RGS9: variants seen among roughly 807,000 people sequenced by gnomAD.
RGS9 encodes regulator of G protein signaling 9, also known as regulator of G-protein signalling 9.
In RGS9, 78 loss-of-function variants were observed where a neutral mutation model predicts 102.0. That is an observed-to-expected ratio of 0.76 (90% CI 0.64 to 0.92). The LOEUF (loss-of-function observed/expected upper bound fraction) is 0.92. Ranked by LOEUF, RGS9 falls within the 40% of genes least tolerant of loss-of-function variation. The probability of loss-of-function intolerance (pLI) is 0.00; values close to 1 mark genes in which losing one functional copy is unlikely to be tolerated. For missense variants in RGS9, 833 were observed against 866.1 expected, an observed-to-expected ratio of 0.96 and a Z score of 0.48; for synonymous variants, 353 against 318.6, an observed-to-expected ratio of 1.11 and a Z score of -1.15.
At chr17:65,172,933 T>C (rs1284698533) in intron 8 of RGS9, among the ~76,000 whole-genome samples, 2 of 151,960 alleles carry the variant, frequency 1.3e-5, no homozygotes, top group Non-Finnish European at 2.9e-5. Context: ...TTTCTTTCTT[T>C]TTTTTTTGAG....
intron 12 of RGS9, among the ~76,000 whole-genome samples, chr17:65,196,678 A>AG (rs967211253): frequency 1.7e-3 from 253 of 149,916 alleles, no homozygotes; most frequent in African/African-American, 6.1e-3. Flanking sequence ...GTGCCATGGT[A>AG]GGGGGGCAGC....
At chr17:65,220,433 T>C (rs1234393041) in intron 17 of RGS9, among the ~76,000 whole-genome samples, 1 of 152,222 alleles carries the variant, frequency 6.6e-6, no homozygotes, top group African/African-American at 2.4e-5. Flanking sequence ...TGGAGTTTCA[T>C]GGCTGAAGTA....
chr17:65,139,178 A>C (rs1443812265), intron 1 of RGS9, among the ~76,000 whole-genome samples: 29 of 22,582 alleles, frequency 1.3e-3, no homozygotes, highest in Middle Eastern at 0.029. Context: ...CCTCTACCCC[A>C]TCCTCCTCCT....
At chr17:65,165,366 A>G (rs906516988) in intron 7 of RGS9, among the ~76,000 whole-genome samples, 4 of 152,160 alleles carry the variant, frequency 2.6e-5, no homozygotes, top group Admixed American at 2.0e-4. Context: ...GGCTTGCTCC[A>G]TTTGAGATGG....
At chr17:65,190,334 A>G (rs1912320612) in intron 11 of RGS9, 98 bp downstream of exon 11, 1 of 949,246 alleles carries the variant, frequency 1.1e-6, no homozygotes, top group African/African-American at 1.6e-5. Flanking sequence ...GACAGACTGA[A>G]GATTCAGCAG....
At chr17:65,224,897 C>G in intron 17 of RGS9, 105 bp from the exon 18 acceptor site, 1 of 1,501,036 alleles carries the variant, frequency 6.7e-7, no homozygotes, top group South Asian at 1.1e-5. Flanking sequence ...CAGGCCCGCA[C>G]TCTTGTCGCT....
chr17:65,222,952 C>T (rs558075538), intron 17 of RGS9, among the ~76,000 whole-genome samples: 5 of 152,222 alleles, frequency 3.3e-5, no homozygotes, highest in Admixed American at 6.5e-5. Flanking sequence ...ATGACTGCGC[C>T]GACTCCGAGT....
chr17:65,147,587 C>CTTTTTTTT lies in RGS9; in HGVS notation c.58-5821_58-5814dup, dbSNP rs36062784. Among the ~76,000 whole-genome samples, 172 of 103,668 alleles carry CTTTTTTTT rather than the reference C, an allele frequency of 1.7e-3. 9 individuals are homozygous for CTTTTTTTT. The highest frequency in any genetic ancestry group is 6.9e-3 in the African/African-American group (146 of 21,178). The allele number at this position is 103,668 out of a possible 152,430, so 68.0% of individuals were successfully genotyped here. A position where few individuals can be genotyped will look rare whatever the true frequency, so the allele number is the denominator to read the frequency against. ...GATCATTCTCTCTCTCTTTTAAAAA[C>CTTTTTTTT]TTTTTTTTTTTTTTTTTTTTTGAGA... On this transcript the variant is annotated intron_variant, in intron 1 of 18. Coordinates refer to ENST00000262406, the MANE Select transcript of RGS9 (RefSeq NM_003835.4).
At chr17:65,177,952 G>GGGTT (rs1911711400) in intron 9 of RGS9, 149 bp downstream of exon 9, 2 of 728,640 alleles carry the variant, frequency 2.7e-6, no homozygotes, top group Non-Finnish European at 5.0e-6. Context: ...TGTGGACTCA[G>GGGTT]GGTTAGGGGA....
chr17:65,194,166 G>A (rs1474214252), intron 12 of RGS9, among the ~76,000 whole-genome samples: 2 of 152,196 alleles, frequency 1.3e-5, no homozygotes, highest in Non-Finnish European at 2.9e-5. Flanking sequence ...GGTCTTTTGC[G>A]ACGAGCTTTT....
intron 1 of RGS9, among the ~76,000 whole-genome samples, chr17:65,148,499 T>A (rs759643170): frequency 1.3e-5 from 2 of 152,332 alleles, no homozygotes; most frequent in South Asian, 2.1e-4. Context: ...CATACTGTTT[T>A]CCACAGCAGA....
intron 1 of RGS9, among the ~76,000 whole-genome samples, chr17:65,150,816 T>A (rs1910549432): frequency 6.6e-6 from 1 of 152,154 alleles, no homozygotes. Context: ...CCAGAGTTGA[T>A]CATGACTGTG....
rs1045197428 is a variant in RGS9, at chr17:65,173,903, A to G, written c.583-3829A>G. Among the ~76,000 whole-genome samples, 6 of 152,190 alleles carry G rather than the reference A, an allele frequency of 3.9e-5. No individual in the cohort carries two copies. The highest frequency in any genetic ancestry group is 3.3e-4 in the Admixed American group (5 of 15,288). ...GCAGAGGCAGAAAGGCAGCCCTCTC[A>G]CCAGTTTCGAGGGCAGGGAACTGGA... On this transcript the variant is annotated intron_variant, in intron 8 of 18. Transcript: ENST00000262406. This position sits in a 1 kb window ranked among gnomAD's most constrained non-coding sequence, Gnocchi z 4.8.
At position 65,197,110 on chromosome 17, in the gene RGS9, C is replaced by T; in HGVS notation, c.861-16C>T. ...AACCGCTACCTCTCTGGTGCATTTA[C>T]AAATCATCCTTGCAGGGTGGAAATC... is the stretch of plus-strand genomic sequence containing the variant. On this transcript the variant is annotated splice_polypyrimidine_tract_variant and intron_variant, in intron 12 of 18. Coordinates refer to ENST00000262406, the MANE Select transcript of RGS9 (RefSeq NM_003835.4). The T allele has an allele frequency of 1.3e-6, 2 of 1,595,966 alleles. No individual in the cohort carries two copies. The highest frequency in any genetic ancestry group is 1.1e-5 in the South Asian group (1 of 89,872).
chr17:65,198,486 C>T, intron 13 of RGS9, among the ~76,000 whole-genome samples: 2 of 152,268 alleles, frequency 1.3e-5, no homozygotes, highest in South Asian at 4.1e-4. Context: ...GAACTCTTAA[C>T]CTCTAGTGAT....
intron 17 of RGS9, among the ~76,000 whole-genome samples, chr17:65,222,992 A>G (rs1335037528): frequency 1.3e-5 from 2 of 152,082 alleles, no homozygotes; most frequent in African/African-American, 4.8e-5. Context: ...GTCTGAGCCC[A>G]CTGTTCCTGG....
intron 17 of RGS9, among the ~76,000 whole-genome samples, chr17:65,215,947 C>T (rs188342228): frequency 6.6e-6 from 1 of 152,220 alleles, no homozygotes; most frequent in East Asian, 1.9e-4. Flanking sequence ...CACTGTACAA[C>T]TCACTGACAC....
intron 9 of RGS9, among the ~76,000 whole-genome samples, chr17:65,179,351 T>C (rs1053926989): frequency 3.9e-5 from 6 of 152,188 alleles, no homozygotes; most frequent in African/African-American, 1.4e-4. Context: ...CAGTCAGCCT[T>C]AACTCAGCTG....
intron 9 of RGS9, among the ~76,000 whole-genome samples, chr17:65,184,298 A>C (rs1912018409): frequency 6.6e-6 from 1 of 152,240 alleles, no homozygotes; most frequent in African/African-American, 2.4e-5. Context: ...ATAAAAATAC[A>C]GGATTCCCAG....
Sources: allele counts gnomAD v4.1 joint callset (sites outside exome capture counted in the v4.1 genomes callset), GRCh38; gene constraint gnomAD v4.1.1; non-coding constraint Gnocchi (gnomAD v3.1); transcripts MANE v1.5; gene names NCBI Gene and HGNC (gene_info 2026-07-23, HGNC 2026-07-21).